Variants in ZNF98 observed in about 807,000 individuals in gnomAD.
The protein encoded by ZNF98 is zinc finger protein 98, also known as zinc finger protein 739.
ZNF98 carries 8 observed loss-of-function variants against 12.8 expected under a neutral mutation model. The ratio of observed to expected loss-of-function variants is 0.63; its 90% CI spans 0.37 to 1.13. The LOEUF (loss-of-function observed/expected upper bound fraction) is 1.13. ZNF98 is among the 50% of genes most tolerant of loss of function. ZNF98 has a pLI of 0.01. For missense variants in ZNF98, 379 were observed against 666.1 expected (o/e 0.57, Z 4.74); for synonymous variants, 112 against 223.5 (o/e 0.50, Z 4.45).
intron 1 of ZNF98, among the ~76,000 whole-genome samples, chr19:22,404,442 A>C (rs1969497559): frequency 6.6e-6 from 1 of 152,226 alleles, no homozygotes; most frequent in Non-Finnish European, 1.5e-5. Context: ...AAGAAAGGTC[A>C]GCTGCCAGAT....
At chr19:22,411,412 C>T (rs565312587) in intron 1 of ZNF98, among the ~76,000 whole-genome samples, 3 of 152,346 alleles carry the variant, frequency 2.0e-5, no homozygotes, top group Admixed American at 6.5e-5. Context: ...AAGGAACTTA[C>T]TCTGTATCTT....
At position 22,392,865 on chromosome 19, in the gene ZNF98, T is replaced by C. The variant is rs376760995; in HGVS notation, c.370A>G (p.Lys124Glu). The change falls in exon 4 of 4, where the codon AAA becomes GAA. Residue 124 changes from lysine to glutamate, a missense_variant. Transcript: ENST00000357774. ...KCGRENLQLR[K>E]YCKSMDECKV... Reference sequence around the variant, plus strand: ...CACTCATCCATGCTTTTACAGTATTTTCTTAACTGTAAATTTTCACGTCCA... The same window carrying C: ...CACTCATCCATGCTTTTACAGTATTCTCTTAACTGTAAATTTTCACGTCCA... The C allele has an allele frequency of 1.4e-5, 23 of 1,608,698 alleles. No homozygotes were observed. In the African/African-American group the frequency reaches 2.9e-4, roughly 21 times the overall value.
At chr19:22,415,921 C>T (rs537672102) in intron 1 of ZNF98, among the ~76,000 whole-genome samples, 8 of 140,750 alleles carry the variant, frequency 5.7e-5, no homozygotes, top group African/African-American at 1.9e-4. Context: ...GGTGAAACCC[C>T]GTTCCTACTT....
chr19:22,416,108 C>A (rs150671994), intron 1 of ZNF98, among the ~76,000 whole-genome samples: 44 of 150,910 alleles, frequency 2.9e-4, no homozygotes, highest in South Asian at 1.5e-3. Context: ...CGTGTCACTG[C>A]ACTCCAGCCT....
At chr19:22,395,445 T>C (rs113962461) in intron 3 of ZNF98, among the ~76,000 whole-genome samples, 6,423 of 151,816 alleles carry the variant, frequency 0.042, 468 homozygotes, top group African/African-American at 0.15. Flanking sequence ...CCATATAAAC[T>C]TCAGAAAGAA....
At chr19:22,416,274 T>C (rs1038780101) in intron 1 of ZNF98, among the ~76,000 whole-genome samples, 1 of 149,668 alleles carries the variant, frequency 6.7e-6, no homozygotes, top group Non-Finnish European at 1.5e-5. Flanking sequence ...ATCGAGACCA[T>C]CTGGGCTAAC....
intron 3 of ZNF98, among the ~76,000 whole-genome samples, chr19:22,395,253 A>G (rs558139557): frequency 6.6e-6 from 1 of 152,022 alleles, no homozygotes; most frequent in South Asian, 2.1e-4. Flanking sequence ...AATTTTAGAC[A>G]AGGCACATCC....
At chr19:22,416,532 T>C (rs539563833) in intron 1 of ZNF98, among the ~76,000 whole-genome samples, 36 of 151,312 alleles carry the variant, frequency 2.4e-4, no homozygotes, top group Non-Finnish European at 4.7e-4. Flanking sequence ...TCCCAGCACT[T>C]TGGGAGGCTG....
intron 1 of ZNF98, among the ~76,000 whole-genome samples, chr19:22,421,339 T>C (rs1283544370): frequency 6.6e-6 from 1 of 151,984 alleles, no homozygotes; most frequent in African/African-American, 2.4e-5. Context: ...AAGCCAGAGT[T>C]AGGCTGCAGA....
intron 1 of ZNF98, among the ~76,000 whole-genome samples, chr19:22,416,180 T>G (rs1278858853): frequency 6.9e-6 from 1 of 144,592 alleles, no homozygotes; most frequent in African/African-American, 2.6e-5. Flanking sequence ...TTAAGAAAAA[T>G]AAAGTATGGG....
chr19:22,412,976 C>T (rs979645399), intron 1 of ZNF98, among the ~76,000 whole-genome samples: 23 of 152,008 alleles, frequency 1.5e-4, no homozygotes, highest in African/African-American at 4.8e-4. Flanking sequence ...TGGAGTGAAC[C>T]CACGAGGCGG....
At chr19:22,395,536 T>C (rs199710505) in intron 3 of ZNF98, among the ~76,000 whole-genome samples, 134 of 144,904 alleles carry the variant, frequency 9.2e-4, no homozygotes, top group African/African-American at 1.8e-3. Context: ...CAGTCCACTG[T>C]AGAAAATCAC....
intron 1 of ZNF98, among the ~76,000 whole-genome samples, chr19:22,405,269 T>TAA (rs71180544): frequency 0.35 from 42,922 of 123,228 alleles, 8,324 homozygotes; most frequent in Non-Finnish European, 0.45. Context: ...CATGCTTAGC[T>TAA]AAAAAAAAAA....
intron 3 of ZNF98, among the ~76,000 whole-genome samples, chr19:22,397,131 C>CAA (rs59004830): frequency 1.7e-4 from 25 of 148,804 alleles, no homozygotes; most frequent in East Asian, 5.9e-4. Context: ...AAAAAAACAA[C>CAA]AAAAAAAAAC....
chr19:22,400,861 G>A (rs1317324054), intron 3 of ZNF98, among the ~76,000 whole-genome samples: 1 of 146,926 alleles, frequency 6.8e-6, no homozygotes, highest in Non-Finnish European at 1.5e-5. Context: ...GCAGAGGCAG[G>A]AGAATCACTT....
At chr19:22,419,173 C>T (rs565491607) in intron 1 of ZNF98, among the ~76,000 whole-genome samples, 1 of 152,248 alleles carries the variant, frequency 6.6e-6, no homozygotes, top group East Asian at 1.9e-4. Flanking sequence ...TTATAGTAGG[C>T]ATTTCTTTCT....
intron 3 of ZNF98, among the ~76,000 whole-genome samples, chr19:22,399,539 C>T (rs1215532001): frequency 2.0e-5 from 3 of 152,106 alleles, no homozygotes; most frequent in African/African-American, 2.4e-5. Context: ...CAAATTATGT[C>T]ATATTTTAGG....
intron 1 of ZNF98, among the ~76,000 whole-genome samples, chr19:22,420,639 A>G (rs917283044): frequency 1.6e-4 from 25 of 151,900 alleles, no homozygotes; most frequent in Admixed American, 9.8e-4. Context: ...AGGTTGTCCT[A>G]TGAAAGAAAA....
intron 3 of ZNF98, among the ~76,000 whole-genome samples, chr19:22,397,079 A>C (rs1969402131): frequency 6.6e-6 from 1 of 151,528 alleles, no homozygotes; most frequent in African/African-American, 2.4e-5. Flanking sequence ...AGATCACACC[A>C]CTGCACTCCA....
Sources: gnomAD v4.1 joint callset for allele counts (sites outside exome capture counted in the v4.1 genomes callset) on GRCh38, gnomAD v4.1.1 for gene constraint, MANE v1.5 for transcripts, NCBI Gene and HGNC (gene_info 2026-07-23, HGNC 2026-07-21) for gene names.